Variants in BPNT1 observed in about 807,000 individuals in gnomAD.
BPNT1 encodes the protein 3'(2'),5'-bisphosphate nucleotidase 1.
In BPNT1, 28 loss-of-function variants were observed where a neutral mutation model predicts 36.9. That is an observed-to-expected ratio of 0.76 (90% CI 0.56 to 1.04). The LOEUF is 1.04. Among genes scored for constraint, BPNT1 ranks in the 50% least tolerant of loss-of-function variants. The pLI, the probability that BPNT1 is intolerant of heterozygous loss-of-function variation, is 0.00. For synonymous variants in BPNT1, 119 were observed against 130.9 expected (o/e 0.91, Z 0.62); for missense variants, 313 against 372.9 (o/e 0.84, Z 1.32).
chr1:220,088,506 C>T (rs1434870623), intron 1 of BPNT1, among the ~76,000 whole-genome samples: 6 of 142,712 alleles, frequency 4.2e-5, no homozygotes, highest in African/African-American at 7.7e-5. Flanking sequence ...AAAAAATTGT[C>T]GCTGAATGCA....
At chr1:220,060,968 T>C (rs1571723954) in intron 7 of BPNT1, among the ~76,000 whole-genome samples, 1 of 152,216 alleles carries the variant, frequency 6.6e-6, no homozygotes. Flanking sequence ...CTGGGATCTA[T>C]AGAAAGAGAA....
intron 1 of BPNT1, among the ~76,000 whole-genome samples, chr1:220,086,258 G>T (rs1237761221): frequency 6.6e-6 from 1 of 152,028 alleles, no homozygotes; most frequent in East Asian, 1.9e-4. Context: ...CAGGGCAGTC[G>T]CTAAACTTTT....
At chr1:220,059,864 A>C in intron 7 of BPNT1, 73 bp from the exon 8 acceptor site, 1 of 1,176,950 alleles carries the variant, frequency 8.5e-7, no homozygotes, top group Non-Finnish European at 1.2e-6. Context: ...AGATTGAGGT[A>C]CAGATAAGAA....
intron 1 of BPNT1, among the ~76,000 whole-genome samples, chr1:220,089,101 G>GAAAAAA (rs764942826): frequency 3.6e-4 from 14 of 39,146 alleles, no homozygotes; most frequent in East Asian, 8.8e-4. Flanking sequence ...ACTCCGTCTC[G>GAAAAAA]AAAAAAAAAA....
intron 6 of BPNT1, among the ~76,000 whole-genome samples, chr1:220,065,450 G>A (rs1201300361): frequency 6.6e-6 from 1 of 152,190 alleles, no homozygotes; most frequent in Non-Finnish European, 1.5e-5. Flanking sequence ...AAGATAGACT[G>A]AGTTTCTTCA....
At chr1:220,089,124 A>AAG (rs1656060659) in intron 1 of BPNT1, among the ~76,000 whole-genome samples, 3 of 144,862 alleles carry the variant, frequency 2.1e-5, no homozygotes, top group Non-Finnish European at 4.6e-5. Flanking sequence ...AAAAAAAAAA[A>AAG]AGAAGGAGGA....
chr1:220,079,413 T>C (rs1664902677), intron 2 of BPNT1, among the ~76,000 whole-genome samples: 1 of 151,948 alleles, frequency 6.6e-6, no homozygotes, highest in African/African-American at 2.4e-5. Flanking sequence ...CCACCACGCC[T>C]GGCTAATTTT....
chr1:220,063,564 G>A (rs1028221669), intron 6 of BPNT1, among the ~76,000 whole-genome samples: 1 of 152,030 alleles, frequency 6.6e-6, no homozygotes, highest in African/African-American at 2.4e-5. Context: ...TGATCTCTTT[G>A]TTGTATTTGA....
intron 8 of BPNT1, among the ~76,000 whole-genome samples, chr1:220,059,391 T>G (rs1485389533): frequency 6.8e-6 from 1 of 147,634 alleles, no homozygotes; most frequent in Non-Finnish European, 1.5e-5. Context: ...CATTCCAGCC[T>G]AGACAATAGC....
chr1:220,059,646 G>A (rs756773504), intron 8 of BPNT1, 40 bp downstream of exon 8: 2 of 1,391,110 alleles, frequency 1.4e-6, no homozygotes, highest in East Asian at 2.3e-5. Context: ...TGATATAATT[G>A]TAGAAAAACT....
chr1:220,069,405 C>T lies in BPNT1; in HGVS notation c.361G>A (p.Gly121Arg). The change falls in exon 5 of 9, where the codon GGA becomes AGA. Residue 121 changes from glycine (G) to arginine (R), a missense_variant. By Grantham distance (125) the Gly-to-Arg change is moderately radical. Transcript: ENST00000322067. Reference sequence around the variant, plus strand: ...CAACCTTCGGTATATTCCTTGGTTCCATCCAGAGGATCAACCCAGACCACG... The same window carrying T: ...CAACCTTCGGTATATTCCTTGGTTCTATCCAGAGGATCAACCCAGACCACG... The part of the protein sequence containing the change: ...DLVVWVDPLD[G>R]TKEYTEGLLD... 1 of 1,606,132 alleles carries T rather than the reference C, an allele frequency of 6.2e-7. No individual in the cohort carries two copies. The highest frequency in any genetic ancestry group is 8.5e-7 in the Non-Finnish European group (1 of 1,176,578).
At chr1:220,079,974 G>A (rs1013811423) in intron 1 of BPNT1, 120 bp from the exon 2 acceptor site, 3 of 1,015,880 alleles carry the variant, frequency 3.0e-6, no homozygotes, top group Non-Finnish European at 4.1e-6. Flanking sequence ...CCCATTAACT[G>A]AGTAAATTCT....
Position 220,086,904 on chromosome 1 carries a change from G to A in BPNT1, c.-9+2782C>T, listed in dbSNP as rs371986081. Among the ~76,000 whole-genome samples the A allele has an allele frequency of 1.3e-4, 20 of 151,244 alleles. No individual in the cohort carries two copies. The South Asian group carries it at 1.9e-3, about 14-fold the overall frequency. The stretch of plus-strand genomic sequence containing the variant: ...ACTTAAAAAAAAAAAAAAATGAGCC[G>A]GGCATATTGGCGGGCGCCTGTAACC... On this transcript the variant is annotated intron_variant, in intron 1 of 8. Coordinates refer to ENST00000322067, the MANE Select transcript of BPNT1 (RefSeq NM_006085.6).
chr1:220,072,306 T>C (rs1188581173), intron 4 of BPNT1, among the ~76,000 whole-genome samples: 1 of 151,304 alleles, frequency 6.6e-6, no homozygotes, highest in East Asian at 2.0e-4. Flanking sequence ...GAGGTTGTGG[T>C]GAGCCAAGAT....
At chr1:220,075,072 C>T (rs886082086) in intron 2 of BPNT1, among the ~76,000 whole-genome samples, 8 of 152,174 alleles carry the variant, frequency 5.3e-5, no homozygotes, top group African/African-American at 1.9e-4. Flanking sequence ...GAGACGGAGT[C>T]TCACTCTGTC....
At chr1:220,079,332 A>G (rs1316177427) in intron 2 of BPNT1, among the ~76,000 whole-genome samples, 2 of 151,716 alleles carry the variant, frequency 1.3e-5, no homozygotes, top group Non-Finnish European at 2.9e-5. Context: ...GGCTCACTGC[A>G]ACCTCTGCCT....
At chr1:220,062,478 A>C (rs1375770289) in intron 7 of BPNT1, among the ~76,000 whole-genome samples, 1 of 152,040 alleles carries the variant, frequency 6.6e-6, no homozygotes, top group Non-Finnish European at 1.5e-5. Flanking sequence ...TGAACTCATC[A>C]TTTTTTATGG....
intron 2 of BPNT1, among the ~76,000 whole-genome samples, chr1:220,075,467 A>G (rs1248238821): frequency 6.6e-6 from 1 of 152,222 alleles, no homozygotes; most frequent in Non-Finnish European, 1.5e-5. Context: ...GCTAGAATGT[A>G]AGCTCCACAA....
Position 220,057,509 on chromosome 1 carries a change from A to G in BPNT1, c.*1335T>C, listed in dbSNP as rs561148861. ...GATTTGAAAACAGATAATTTTAATT[A>G]AAAGCAATGGACAGAGACCTAAAAA... On this transcript the variant is annotated 3_prime_UTR_variant, in exon 9 of 9. Coordinates refer to ENST00000322067, the MANE Select transcript of BPNT1 (RefSeq NM_006085.6). 1 of 163,070 alleles carries G rather than the reference A, an allele frequency of 6.1e-6. No homozygotes were observed. The highest frequency in any genetic ancestry group is 1.3e-5 in the Non-Finnish European group (1 of 75,142). 10.1% of individuals were successfully genotyped at this position (163,070 alleles called of 1,614,324 possible). A position where few individuals can be genotyped will look rare whatever the true frequency, so the allele number is the denominator to read the frequency against.
Sources: allele counts gnomAD v4.1 joint callset (sites outside exome capture counted in the v4.1 genomes callset), GRCh38; gene constraint gnomAD v4.1.1; transcripts MANE v1.5; gene names NCBI Gene and HGNC (gene_info 2026-07-23, HGNC 2026-07-21).